COX10: variants seen among roughly 807,000 people sequenced by gnomAD.
COX10 encodes the protein cytochrome c oxidase assembly factor heme A:farnesyltransferase COX10.
Under a neutral mutation model 37.3 loss-of-function variants are expected in COX10, and 27 were observed. The ratio of observed to expected loss-of-function variants is 0.72; its 90% CI spans 0.53 to 1.00. The LOEUF (loss-of-function observed/expected upper bound fraction) is 1.00, where lower values mean the gene tolerates loss of function less well. Among genes scored for constraint, COX10 ranks in the 50% least tolerant of loss-of-function variants. The pLI is 0.00. For synonymous variants in COX10, 222 were observed against 229.1 expected, an observed-to-expected ratio of 0.97 and a Z score of 0.28; for missense variants, 475 against 563.2, an observed-to-expected ratio of 0.84 and a Z score of 1.59.
At chr17:14,158,914 A>AT (rs1250192482) in intron 4 of COX10, among the ~76,000 whole-genome samples, 1 of 152,188 alleles carries the variant, frequency 6.6e-6, no homozygotes, top group Non-Finnish European at 1.5e-5. Flanking sequence ...TAATCAGCAC[A>AT]TTTTTTGAGT....
intron 3 of COX10, among the ~76,000 whole-genome samples, chr17:14,100,902 T>C (rs1292734651): frequency 6.6e-6 from 1 of 152,118 alleles, no homozygotes. Context: ...TAGAAAATTA[T>C]TTGTTGTTGG....
chr17:14,197,016 C>T (rs1288649543), intron 6 of COX10, among the ~76,000 whole-genome samples: 1 of 152,150 alleles, frequency 6.6e-6, no homozygotes, highest in Non-Finnish European at 1.5e-5. Context: ...CACCCAGTCA[C>T]CTTGACTGAG....
chr17:14,101,202 G>A (rs941456037), intron 3 of COX10, among the ~76,000 whole-genome samples: 1 of 152,164 alleles, frequency 6.6e-6, no homozygotes, highest in East Asian at 1.9e-4. Context: ...AAGAATCTAG[G>A]TAGATGGTAT....
intron 6 of COX10, among the ~76,000 whole-genome samples, chr17:14,194,608 A>G (rs933905778): frequency 6.6e-6 from 1 of 151,988 alleles, no homozygotes; most frequent in Admixed American, 6.6e-5. Context: ...TATATTTTTA[A>G]TAGAGACGGG....
At chr17:14,148,131 G>A (rs1362122233) in intron 4 of COX10, among the ~76,000 whole-genome samples, 2 of 148,676 alleles carry the variant, frequency 1.3e-5, no homozygotes, top group African/African-American at 5.3e-5. Flanking sequence ...TTAAAATCCA[G>A]CCTAGTGAGA....
At chr17:14,075,251 A>T (rs569128348) in intron 2 of COX10, among the ~76,000 whole-genome samples, 11 of 152,218 alleles carry the variant, frequency 7.2e-5, no homozygotes, top group Non-Finnish European at 1.6e-4. Context: ...GTCAAGGATA[A>T]TGGTGGATAT....
At chr17:14,182,137 A>G in intron 5 of COX10, 1 of 984,018 alleles carries the variant, frequency 1.0e-6, no homozygotes, top group Non-Finnish European at 1.2e-6. Flanking sequence ...ATATAATACC[A>G]CAGTCTCTGC....
chr17:14,088,547 G>A (rs1365600112), intron 3 of COX10, among the ~76,000 whole-genome samples: 1 of 152,056 alleles, frequency 6.6e-6, no homozygotes, highest in Non-Finnish European at 1.5e-5. Context: ...CTGATTGTAA[G>A]TATAAGATGC....
At chr17:14,192,402 G>A (rs1310396386) in intron 6 of COX10, among the ~76,000 whole-genome samples, 181 bp downstream of exon 6, 2 of 152,166 alleles carry the variant, frequency 1.3e-5, no homozygotes, top group Non-Finnish European at 2.9e-5. Flanking sequence ...TGTCATCCTG[G>A]CTGGTGGGTG....
chr17:14,079,928 T>A (rs999364362), intron 3 of COX10, among the ~76,000 whole-genome samples: 5 of 151,968 alleles, frequency 3.3e-5, no homozygotes, highest in Non-Finnish European at 5.9e-5. Context: ...GACAGTATAG[T>A]TTTCACTGAC....
rs564230978 is a variant in COX10 at position 14,203,658 on chromosome 17, C to G, written c.929-3152C>G. Among the ~76,000 whole-genome samples, 3 of 152,302 alleles carry G rather than the reference C, an allele frequency of 2.0e-5. No individual in the cohort carries two copies. The East Asian group carries it at 5.8e-4, about 29-fold the overall frequency. On this transcript the variant is annotated intron_variant, in intron 6 of 6. Transcript: ENST00000261643. Reference sequence around the variant, plus strand: ...AAGGAGGAGCTGGTTCCTTCTCATGCTCACTGTCATTTGCACAAACTGGGG... The same window carrying G: ...AAGGAGGAGCTGGTTCCTTCTCATGGTCACTGTCATTTGCACAAACTGGGG...
chr17:14,102,008 TAATATA>T, intron 3 of COX10, 104 bp from the exon 4 acceptor site: 1 of 1,345,040 alleles, frequency 7.4e-7, no homozygotes, highest in Non-Finnish European at 1.1e-6. Flanking sequence ...TTTGTGTTAT[TAATATA>T]ATCAATTAGT....
intron 5 of COX10, among the ~76,000 whole-genome samples, chr17:14,182,767 G>A (rs1157296606): frequency 6.6e-6 from 1 of 151,360 alleles, no homozygotes; most frequent in Non-Finnish European, 1.5e-5. Context: ...ATTAATTTTT[G>A]TCTAAACTAA....
chr17:14,168,867 G>T (rs531273186), intron 5 of COX10, among the ~76,000 whole-genome samples: 13 of 152,228 alleles, frequency 8.5e-5, no homozygotes, highest in Non-Finnish European at 1.6e-4. Context: ...TCTCTAGAAT[G>T]CTCTGGAGAG....
At chr17:14,195,480 T>C (rs1371514981) in intron 6 of COX10, among the ~76,000 whole-genome samples, 4 of 152,242 alleles carry the variant, frequency 2.6e-5, no homozygotes, top group Non-Finnish European at 4.4e-5. Context: ...CAAAGGCACA[T>C]GTACCTAGTA....
At chr17:14,192,600 C>T (rs1018428292) in intron 6 of COX10, among the ~76,000 whole-genome samples, 4 of 152,204 alleles carry the variant, frequency 2.6e-5, no homozygotes, top group Admixed American at 2.6e-4. Context: ...AGTCTCCCAT[C>T]AAAGGGGTTT....
chr17:14,134,234 T>C (rs1567598796), intron 4 of COX10, among the ~76,000 whole-genome samples: 2 of 151,826 alleles, frequency 1.3e-5, no homozygotes, highest in African/African-American at 4.8e-5. Context: ...TTTTAGGTTT[T>C]ATCTACTTGT....
intron 5 of COX10, among the ~76,000 whole-genome samples, chr17:14,164,639 A>C (rs1414879125): frequency 2.5e-4 from 38 of 152,200 alleles, no homozygotes; most frequent in Admixed American, 2.5e-3. Flanking sequence ...AGGAAAATAA[A>C]CAACGGGTTT....
intron 5 of COX10, among the ~76,000 whole-genome samples, chr17:14,180,299 C>G (rs1310655067): frequency 1.3e-5 from 2 of 151,882 alleles, no homozygotes; most frequent in Non-Finnish European, 2.9e-5. Flanking sequence ...TTAGTGTTAA[C>G]CAGTGAAGTG....
Sources: allele counts gnomAD v4.1 joint callset (sites outside exome capture counted in the v4.1 genomes callset), GRCh38; gene constraint gnomAD v4.1.1; transcripts MANE v1.5; gene names NCBI Gene and HGNC (gene_info 2026-07-23, HGNC 2026-07-21).